The following FAM227B variants were observed in gnomAD, a reference collection of about 807,000 sequenced individuals.
FAM227B encodes protein FAM227B.
In FAM227B, 88 loss-of-function variants were observed where a neutral mutation model predicts 73.8. The observed-to-expected ratio is 1.19, with a 90% CI of 1.00 to 1.42. The LOEUF (loss-of-function observed/expected upper bound fraction) is 1.42, where lower values mean the gene tolerates loss of function less well. Ranked by LOEUF, FAM227B falls within the 40% of genes most tolerant of loss-of-function variation. The pLI, the probability that FAM227B is intolerant of heterozygous loss-of-function variation, is 0.00. For synonymous variants in FAM227B, 210 were observed against 190.5 expected (o/e 1.10, Z -0.84); for missense variants, 632 against 590.9 (o/e 1.07, Z -0.72).
chr15:49,616,147 A>G (rs543280910), intron 1 of FAM227B, among the ~76,000 whole-genome samples: 2 of 152,200 alleles, frequency 1.3e-5, no homozygotes, highest in Non-Finnish European at 2.9e-5. Context: ...CCCCAAATTC[A>G]TATGTTCAAG....
chr15:49,530,416 A>C (rs1354182207), intron 10 of FAM227B, among the ~76,000 whole-genome samples: 1 of 151,890 alleles, frequency 6.6e-6, no homozygotes, highest in East Asian at 1.9e-4. Context: ...GTTCTAACTA[A>C]AGTAAACAAA....
At chr15:49,390,488 C>A (rs969222699) in intron 11 of FAM227B, among the ~76,000 whole-genome samples, 1 of 151,900 alleles carries the variant, frequency 6.6e-6, no homozygotes, top group Non-Finnish European at 1.5e-5. Flanking sequence ...TGGATACTTC[C>A]CAATTATCCA....
At chr15:49,383,296 C>A (rs1170473636) in intron 11 of FAM227B, among the ~76,000 whole-genome samples, 1 of 152,064 alleles carries the variant, frequency 6.6e-6, no homozygotes. Context: ...ATGGAATGTT[C>A]ACGGAACTCT....
At chr15:49,503,478 G>A (rs2058315359) in intron 11 of FAM227B, among the ~76,000 whole-genome samples, 2 of 152,282 alleles carry the variant, frequency 1.3e-5, no homozygotes, top group South Asian at 4.2e-4. Context: ...TACCATCACA[G>A]TGAACAGGCA....
intron 13 of FAM227B, chr15:49,365,815 A>G (rs780655776): frequency 3.0e-5 from 26 of 867,152 alleles, no homozygotes; most frequent in Non-Finnish European, 4.8e-5. Context: ...AGAGAGAAAC[A>G]TAAGTCTCAC....
intron 13 of FAM227B, among the ~76,000 whole-genome samples, chr15:49,350,929 C>T (rs2042152113): frequency 6.6e-6 from 1 of 152,174 alleles, no homozygotes; most frequent in African/African-American, 2.4e-5. Context: ...TCCCCGTGTG[C>T]ATCACATTCC....
At chr15:49,419,688 T>A (rs1439239091) in intron 11 of FAM227B, among the ~76,000 whole-genome samples, 1 of 152,170 alleles carries the variant, frequency 6.6e-6, no homozygotes, top group Non-Finnish European at 1.5e-5. Flanking sequence ...CTCCAACCTC[T>A]TCATGCACCA....
chr15:49,618,878 C>A (rs975355496), intron 1 of FAM227B, among the ~76,000 whole-genome samples: 1 of 152,140 alleles, frequency 6.6e-6, no homozygotes, highest in African/African-American at 2.4e-5. Flanking sequence ...TTTTCTTTAA[C>A]CTAGAATGTG....
At chr15:49,607,832 T>C (rs553250613) in intron 3 of FAM227B, among the ~76,000 whole-genome samples, 1 of 152,354 alleles carries the variant, frequency 6.6e-6, no homozygotes, top group Non-Finnish European at 1.5e-5. Context: ...GATGATTATC[T>C]TGGAGTAGAT....
chr15:49,367,866 G>GAA (rs34096112), intron 12 of FAM227B: 372 of 116,824 alleles, frequency 3.2e-3, no homozygotes, highest in African/African-American at 6.1e-3. Context: ...CTTAAGAACA[G>GAA]AAAAAAAAAA....
At chr15:49,367,720 TAAAGG>T (rs1284071166) in intron 12 of FAM227B, 112 bp from the exon 13 acceptor site, 3 of 1,031,918 alleles carry the variant, frequency 2.9e-6, no homozygotes, top group Non-Finnish European at 4.1e-6. Flanking sequence ...TATATTAAAA[TAAAGG>T]AAATTCTACA....
chr15:49,618,351 T>C (rs1198770015), intron 1 of FAM227B, among the ~76,000 whole-genome samples: 1 of 152,128 alleles, frequency 6.6e-6, no homozygotes. Context: ...TGTAACGCTG[T>C]AGGAAGAGTA....
chr15:49,558,751 C>T (rs1454382653), intron 9 of FAM227B, among the ~76,000 whole-genome samples: 1 of 152,140 alleles, frequency 6.6e-6, no homozygotes, highest in African/African-American at 2.4e-5. Context: ...TTTCAGGACT[C>T]ATACCCATTG....
At chr15:49,392,516 G>A (rs909755800) in intron 11 of FAM227B, among the ~76,000 whole-genome samples, 3 of 152,220 alleles carry the variant, frequency 2.0e-5, no homozygotes, top group Admixed American at 6.5e-5. Context: ...GCAGTGGAGT[G>A]TATATAAAAG....
Position 49,360,162 on chromosome 15 carries a change from C to A in FAM227B, c.1271+7286G>T, listed in dbSNP as rs975929700. ...CTGGATGACAAGTTAGTGGGTGCAG[C>A]GCACCAGCATGGCACATGTATACAT... is the stretch of plus-strand genomic sequence containing the variant. On this transcript the variant is annotated intron_variant, in intron 13 of 15. Coordinates refer to ENST00000299338, the MANE Select transcript of FAM227B (RefSeq NM_152647.3). Among the ~76,000 whole-genome samples the A allele has an allele frequency of 4.0e-5, 6 of 150,850 alleles. No individual in the cohort carries two copies. In the East Asian group the frequency reaches 1.2e-3, roughly 30 times the overall value.
intron 9 of FAM227B, among the ~76,000 whole-genome samples, chr15:49,551,915 CTATTTA>C (rs1298750679): frequency 2.6e-5 from 4 of 152,102 alleles, no homozygotes; most frequent in East Asian, 3.8e-4. Context: ...TTTGTTGTTT[CTATTTA>C]TATCTTACTG....
chr15:49,478,901 T>C (rs966048747), intron 11 of FAM227B, among the ~76,000 whole-genome samples: 1 of 152,286 alleles, frequency 6.6e-6, no homozygotes, highest in African/African-American at 2.4e-5. Context: ...AGAATTAGTA[T>C]CAATTTCTGA....
intron 1 of FAM227B, among the ~76,000 whole-genome samples, chr15:49,617,291 G>A (rs1311344163): frequency 1.3e-5 from 2 of 152,076 alleles, no homozygotes; most frequent in African/African-American, 2.4e-5. Flanking sequence ...GACAATGTGG[G>A]GAACAGAAGG....
At chr15:49,411,513 T>G (rs904817080) in intron 11 of FAM227B, among the ~76,000 whole-genome samples, 1 of 152,074 alleles carries the variant, frequency 6.6e-6, no homozygotes, top group East Asian at 1.9e-4. Flanking sequence ...TGTCACAATA[T>G]GTCGACATGC....
Sources: gnomAD v4.1 joint callset for allele counts (sites outside exome capture counted in the v4.1 genomes callset) on GRCh38, gnomAD v4.1.1 for gene constraint, MANE v1.5 for transcripts, NCBI Gene and HGNC (gene_info 2026-07-23, HGNC 2026-07-21) for gene names.